Variants in MDN1 observed in about 807,000 individuals in gnomAD.
The protein encoded by MDN1 is midasin.
Under a neutral mutation model 669.2 loss-of-function variants are expected in MDN1, and 266 were observed. The ratio of observed to expected loss-of-function variants is 0.40; its 90% CI spans 0.36 to 0.44. The LOEUF is 0.44. MDN1 is among the 20% of genes least tolerant of loss of function. The pLI is 1.00. For missense variants in MDN1, 5,940 were observed against 6,754.0 expected, an observed-to-expected ratio of 0.88 and a Z score of 4.22; for synonymous variants, 2,385 against 2,457.1, an observed-to-expected ratio of 0.97 and a Z score of 0.87.
intron 67 of MDN1, 37 bp downstream of exon 67, chr6:89,688,041 C>T (rs1812138322): frequency 6.5e-7 from 1 of 1,549,864 alleles, no homozygotes; most frequent in Non-Finnish European, 8.9e-7. Flanking sequence ...TGCCAACTGA[C>T]CACCAACTAA....
Position 89,684,930 on chromosome 6 carries a change from G to A in MDN1, c.11775C>T (p.Asp3925=). 8.7e-6 allele frequency: 14 copies of A among 1,613,752 alleles called. No homozygotes were observed. The highest frequency in any genetic ancestry group is 1.2e-5 in the Non-Finnish European group (14 of 1,179,688). Residue 3925 remains aspartate, a synonymous_variant, in exon 71 of 102, where the codon GAC becomes GAT. Coordinates refer to ENST00000369393, the MANE Select transcript of MDN1 (RefSeq NM_014611.3). ...GTTCCACAATTTTGGCCTGGACCCG[G>A]TCAAAGAATTGCTTGTAATAATGGT... ...NLYHYYKQFF[D]RVQAKIVELR...
intron 50 of MDN1, 59 bp downstream of exon 50, chr6:89,710,622 T>C (rs1813830579): frequency 4.0e-6 from 4 of 994,090 alleles, no homozygotes; most frequent in Non-Finnish European, 5.8e-6. Flanking sequence ...CTTTTCCCCA[T>C]AAAGTCAAAA....
Position 89,743,584 on chromosome 6 carries a change from T to C in MDN1, c.4309A>G (p.Asn1437Asp). The C allele has an allele frequency of 1.2e-6, 2 of 1,609,744 alleles. No individual in the cohort carries two copies. The highest frequency in any genetic ancestry group is 1.7e-5 in the Admixed American group (1 of 59,752). The change falls in exon 30 of 102, where the codon AAC becomes GAC. Residue 1437 changes from asparagine (N) to aspartate (D), a missense_variant. Asn to Asp is a conservative substitution (Grantham distance 23, BLOSUM62 1). This residue lies in a region of MDN1 where 2,292 missense variants were observed against 2,638.3 expected (regional missense o/e 0.87). Coordinates refer to ENST00000369393, the MANE Select transcript of MDN1 (RefSeq NM_014611.3). ...CTTGCTGCTGGACAAACCTTGTCGT[T>C]TGGCTTTTGTCTCACTGGCCGCAGG... ...GGLRPVRQKP[N>D]DKEEIDTSRL...
chr6:89,688,002 A>G, intron 67 of MDN1, 76 bp downstream of exon 67: 1 of 1,273,042 alleles, frequency 7.9e-7, no homozygotes, highest in African/African-American at 1.5e-5. Context: ...TTTCTGTCTA[A>G]CAACAAAGGT....
At chr6:89,814,268 A>C (rs1768656047) in intron 1 of MDN1, among the ~76,000 whole-genome samples, 1 of 152,150 alleles carries the variant, frequency 6.6e-6, no homozygotes, top group South Asian at 2.1e-4. Context: ...AACCAGCATT[A>C]ACATTAAAAC....
rs1817395415 is a variant in MDN1, at chr6:89,758,918, A to G, written c.2503T>C (p.Leu835=). 1 of 1,613,836 alleles carries G rather than the reference A, an allele frequency of 6.2e-7. No individual in the cohort carries two copies. The highest frequency in any genetic ancestry group is 1.3e-5 in the African/African-American group (1 of 74,922). The change falls in exon 18 of 102, where the codon TTG becomes CTG. Residue 835 remains leucine, a synonymous_variant. Transcript: ENST00000369393. ...QAVKKGEWIL[L]DEINLAAPEI... ...GGAGCAGCCAAGTTAATCTCATCCA[A>G]CAAGATCCACTCTCCTTTCTTTACA...
rs775904812 is a variant in MDN1, at chr6:89,684,929, G to A, written c.11776C>T (p.Arg3926Trp). The change falls in exon 71 of 102, where the codon CGG becomes TGG. Residue 3926 changes from arginine to tryptophan, a missense_variant. By Grantham distance (101) the Arg-to-Trp change is moderately radical (BLOSUM62 -3). This residue lies in a region of MDN1 where 2,280 missense variants were observed against 2,576.3 expected (regional missense o/e 0.88). Coordinates refer to ENST00000369393, the MANE Select transcript of MDN1 (RefSeq NM_014611.3). ...LYHYYKQFFDRVQAKIVELRS... is the reference protein window; with the variant it reads ...LYHYYKQFFDWVQAKIVELRS... ...AGTTCCACAATTTTGGCCTGGACCC[G>A]GTCAAAGAATTGCTTGTAATAATGG... 1.4e-5 allele frequency: 22 copies of A among 1,613,490 alleles called. No individual in the cohort carries two copies. Among genetic ancestry groups the A allele is most frequent in the South Asian group, 6.6e-5 (6 of 91,036 alleles).
chr6:89,675,526 C>G lies in MDN1; in HGVS notation c.12699G>C (p.Met4233Ile). ...ERCRGFSAHL[M>I]KMLVRQRRSL... ...AGCGCCGCTGTCGGACGAGCATCTTCATCAAATGTGCTGAGAACCCTCTGC... is the reference window on the plus strand; with the variant it reads ...AGCGCCGCTGTCGGACGAGCATCTTGATCAAATGTGCTGAGAACCCTCTGC... Residue 4233 changes from methionine to isoleucine, a missense_variant, in exon 78 of 102, where the codon ATG (methionine) becomes ATC (isoleucine). Around this residue, in one of 5 missense-constraint regions of MDN1, gnomAD observed 2,280 missense variants for 2,576.3 expected, o/e 0.88. Transcript: ENST00000369393. 1 of 1,613,972 alleles carries G rather than the reference C, an allele frequency of 6.2e-7. No homozygotes were observed. Among genetic ancestry groups the G allele is most frequent in the Non-Finnish European group, 8.5e-7 (1 of 1,180,022 alleles).
chr6:89,645,239 TTAGTG>T (rs983351803), intron 100 of MDN1, 82 bp from the exon 101 acceptor site: 11 of 1,441,596 alleles, frequency 7.6e-6, no homozygotes, highest in Middle Eastern at 3.6e-4. Flanking sequence ...GTAGGACAAA[TTAGTG>T]TAGGCTTTCT....
intron 60 of MDN1, 74 bp from the exon 61 acceptor site, chr6:89,696,066 C>T (rs755564700): frequency 2.5e-5 from 38 of 1,502,002 alleles, no homozygotes; most frequent in Non-Finnish European, 3.3e-5. Flanking sequence ...CAGTATAATT[C>T]TCTCAAGAAA....
intron 31 of MDN1, among the ~76,000 whole-genome samples, chr6:89,742,448 G>GA (rs397790268): frequency 6.6e-6 from 1 of 151,414 alleles, no homozygotes; most frequent in Non-Finnish European, 1.5e-5. Flanking sequence ...AAATTTTTAG[G>GA]AAGCTGATTT....
At chr6:89,796,311 C>CAA (rs1250921881) in intron 2 of MDN1, among the ~76,000 whole-genome samples, 1 of 55,402 alleles carries the variant, frequency 1.8e-5, no homozygotes, top group African/African-American at 8.9e-5. Flanking sequence ...GCGACAAGAG[C>CAA]AAAACTCTGT....
At chr6:89,744,197 G>T (rs982142802) in intron 29 of MDN1, among the ~76,000 whole-genome samples, 11 of 147,490 alleles carry the variant, frequency 7.5e-5, no homozygotes, top group South Asian at 6.4e-4. Flanking sequence ...AGAGACACTA[G>T]TTTATCTCTT....
Position 89,819,703 on chromosome 6 carries a change from A to C in MDN1, c.-96T>G, listed in dbSNP as rs964415278. The C allele has an allele frequency of 3.0e-6, 3 of 989,770 alleles. No homozygotes were observed. The African/African-American group carries it at 4.8e-5, about 16-fold the overall frequency. The allele number at this position is 989,770 out of a possible 1,614,324, so 61.3% of individuals were successfully genotyped here. A position where few individuals can be genotyped will look rare whatever the true frequency, so the allele number is the denominator to read the frequency against. On this transcript the variant is annotated 5_prime_UTR_variant, in exon 1 of 102. Coordinates refer to ENST00000369393, the MANE Select transcript of MDN1 (RefSeq NM_014611.3). ...GGTCCCAGTGCCCGAGCAGCCAGCA[A>C]CTACGCCCGCAGGAAAGGCGTCCTC...
chr6:89,668,686 G>C (rs1364755067), intron 83 of MDN1, among the ~76,000 whole-genome samples: 1 of 152,178 alleles, frequency 6.6e-6, no homozygotes. Context: ...CTGAGGATGG[G>C]AATGCACAAA....
intron 8 of MDN1, among the ~76,000 whole-genome samples, chr6:89,787,103 C>A (rs1393262506): frequency 6.6e-6 from 1 of 150,738 alleles, no homozygotes; most frequent in African/African-American, 2.4e-5. Flanking sequence ...GTAATTGGGT[C>A]TAGGGAGGTA....
intron 90 of MDN1, among the ~76,000 whole-genome samples, chr6:89,657,261 T>C (rs1030629830): frequency 7.9e-5 from 12 of 152,238 alleles, no homozygotes; most frequent in African/African-American, 2.7e-4. Flanking sequence ...TAGCACCTAA[T>C]GGGTGCTCAA....
rs115792683 is a variant in MDN1, at chr6:89,658,636, G to C, written c.14995C>G (p.Pro4999Ala). The C allele has an allele frequency of 1.2e-6, 2 of 1,611,866 alleles. No homozygotes were observed. Among genetic ancestry groups the C allele is most frequent in the East Asian group, 2.2e-5 (1 of 44,796 alleles). Residue 4999 changes from proline to alanine, a missense_variant, in exon 89 of 102, where the codon CCT becomes GCT. Pro to Ala is a conservative substitution (Grantham distance 27). Transcript: ENST00000369393. ...EADEEGGENG[P>A]ADQGFQPQEE... Reference sequence around the variant, plus strand: ...TGGGGCTGGAAACCTTGGTCAGCAGGGCCATTCTCTCCACCTTCTTCATCG... The same window carrying C: ...TGGGGCTGGAAACCTTGGTCAGCAGCGCCATTCTCTCCACCTTCTTCATCG...
intron 32 of MDN1, among the ~76,000 whole-genome samples, chr6:89,738,919 T>C (rs1002721608): frequency 6.6e-6 from 1 of 152,228 alleles, no homozygotes; most frequent in Non-Finnish European, 1.5e-5. Flanking sequence ...AAGTATATAT[T>C]CTACCTCTTG....
Sources: allele counts gnomAD v4.1 joint callset (sites outside exome capture counted in the v4.1 genomes callset), GRCh38; gene constraint gnomAD v4.1.1; regional missense constraint gnomAD v4.1.1; transcripts MANE v1.5; gene names NCBI Gene and HGNC (gene_info 2026-07-23, HGNC 2026-07-21).